The following SVIL variants were observed in gnomAD, a reference collection of about 807,000 sequenced individuals.
SVIL encodes the protein supervillin.
SVIL carries 101 observed loss-of-function variants against 240.4 expected under a neutral mutation model. The ratio of observed to expected loss-of-function variants is 0.42; its 90% confidence interval spans 0.36 to 0.50. The LOEUF (loss-of-function observed/expected upper bound fraction) is 0.50. Among genes scored for constraint, SVIL ranks in the 20% least tolerant of loss-of-function variants. The pLI is 0.01. For missense variants in SVIL, 2,512 were observed against 2,818.7 expected (o/e 0.89, Z 2.46); for synonymous variants, 999 against 1,100.0 (o/e 0.91, Z 1.82).
At position 29,495,248 on chromosome 10, in the gene SVIL, T is replaced by C. The variant is rs2368403; in HGVS notation, c.3665-67A>G. On this transcript the variant is annotated intron_variant, in intron 18 of 37. Coordinates refer to ENST00000355867, the MANE Select transcript of SVIL (RefSeq NM_021738.3). ...CTTCTGGAAATCTCCGGGACCCTGG[T>C]GGATCTCCAGAAATCCCAGGGTAGA... 0.024 allele frequency: 18,757 copies of C among 772,770 alleles called. 2,952 individuals carry two copies. The African/African-American group carries it at 0.24, about 10-fold the overall frequency. 47.9% of individuals were successfully genotyped at this position (772,770 alleles called of 1,614,324 possible). A position where few individuals can be genotyped will look rare whatever the true frequency, so the allele number is the denominator to read the frequency against.
chr10:29,680,809 C>T (rs1960581557), intron 2 of SVIL, among the ~76,000 whole-genome samples: 1 of 152,108 alleles, frequency 6.6e-6, no homozygotes. Context: ...ATCCCAGCTA[C>T]TCAGGAGGCT....
At chr10:29,679,345 A>G (rs545418833) in intron 2 of SVIL, among the ~76,000 whole-genome samples, 29 of 152,354 alleles carry the variant, frequency 1.9e-4, no homozygotes, top group African/African-American at 7.0e-4. Flanking sequence ...TTGTGAGAAG[A>G]GAAGGTGCAG....
intron 2 of SVIL, among the ~76,000 whole-genome samples, chr10:29,567,962 A>AGCTGAGAT (rs769590767): frequency 5.8e-4 from 87 of 151,104 alleles, no homozygotes; most frequent in Non-Finnish European, 9.7e-4. Context: ...GCTTGCAGTG[A>AGCTGAGAT]GCTGAGATCG....
chr10:29,463,353 G>T, intron 35 of SVIL, 139 bp downstream of exon 35: 1 of 1,117,012 alleles, frequency 9.0e-7, no homozygotes, highest in Non-Finnish European at 1.2e-6. Context: ...GGAAAAAATT[G>T]GTTTCATCAC....
At chr10:29,654,459 C>G (rs550203693) in intron 3 of SVIL, among the ~76,000 whole-genome samples, 23 of 152,202 alleles carry the variant, frequency 1.5e-4, no homozygotes, top group African/African-American at 5.3e-4. Flanking sequence ...TAAACAAGAT[C>G]ACGCCATCTG....
At chr10:29,541,651 C>A (rs1471293243) in intron 6 of SVIL, among the ~76,000 whole-genome samples, 1 of 152,094 alleles carries the variant, frequency 6.6e-6, no homozygotes, top group Non-Finnish European at 1.5e-5. Context: ...GCAGAAAGCA[C>A]AATTGTCAGA....
chr10:29,665,992 A>G (rs925176092), intron 2 of SVIL, among the ~76,000 whole-genome samples: 2 of 152,228 alleles, frequency 1.3e-5, no homozygotes, highest in Non-Finnish European at 2.9e-5. Context: ...GGTTTAAGTG[A>G]TGCCTTCTGG....
chr10:29,650,789 A>G (rs548434794), intron 3 of SVIL, among the ~76,000 whole-genome samples: 2 of 152,262 alleles, frequency 1.3e-5, no homozygotes, highest in East Asian at 3.9e-4. Context: ...TCTCTACAAA[A>G]ATAAAAATCA....
chr10:29,609,537 C>T (rs1364353253), intron 1 of SVIL, among the ~76,000 whole-genome samples: 1 of 152,242 alleles, frequency 6.6e-6, no homozygotes, highest in Non-Finnish European at 1.5e-5. Context: ...AGAGCTGCAG[C>T]CCTTCTGGAA....
intron 3 of SVIL, among the ~76,000 whole-genome samples, chr10:29,641,399 A>G (rs1958481148): frequency 6.6e-6 from 1 of 151,912 alleles, no homozygotes; most frequent in Non-Finnish European, 1.5e-5. Context: ...GGTGAAACCC[A>G]TCTCTACTGA....
chr10:29,721,501 A>C (rs563414982), intron 1 of SVIL, among the ~76,000 whole-genome samples: 1 of 151,656 alleles, frequency 6.6e-6, no homozygotes, highest in African/African-American at 2.4e-5. Flanking sequence ...AAAAGGGTTA[A>C]AAGGATGGAA....
intron 2 of SVIL, among the ~76,000 whole-genome samples, chr10:29,677,368 A>C (rs1168389882): frequency 3.3e-5 from 5 of 152,180 alleles, no homozygotes; most frequent in African/African-American, 9.7e-5. Context: ...CTGCCAAGAG[A>C]ACCAAGCATG....
chr10:29,582,705 C>T (rs1036523243), intron 1 of SVIL, among the ~76,000 whole-genome samples: 2 of 150,928 alleles, frequency 1.3e-5, no homozygotes, highest in African/African-American at 4.9e-5. Flanking sequence ...ACACTCCAGC[C>T]TGGGTGACAG....
chr10:29,555,080 T>C lies in SVIL; in HGVS notation c.-22A>G. 2 of 1,612,906 alleles carry C rather than the reference T, an allele frequency of 1.2e-6. No individual in the cohort carries two copies. The highest frequency in any genetic ancestry group is 1.7e-6 in the Non-Finnish European group (2 of 1,179,720). On this transcript the variant is annotated 5_prime_UTR_variant, in exon 4 of 38. Transcript: ENST00000355867. ...TCATTTCTAAGAATTCTTTCTTCTT[T>C]GGTTCAAAGATTTGTCTTAATTCTG...
intron 1 of SVIL, among the ~76,000 whole-genome samples, chr10:29,628,121 T>C (rs1277138410): frequency 6.6e-6 from 1 of 152,218 alleles, no homozygotes; most frequent in East Asian, 1.9e-4. Context: ...AACTAAACTA[T>C]CAGCTTAACT....
intron 3 of SVIL, among the ~76,000 whole-genome samples, chr10:29,645,340 C>T (rs984262243): frequency 1.3e-5 from 2 of 152,054 alleles, no homozygotes; most frequent in African/African-American, 4.8e-5. Context: ...GAGGCCGAGG[C>T]GAGAGGATCA....
At chr10:29,593,925 G>C (rs1362795667) in intron 1 of SVIL, among the ~76,000 whole-genome samples, 1 of 152,154 alleles carries the variant, frequency 6.6e-6, no homozygotes, top group Non-Finnish European at 1.5e-5. Context: ...GTTGGGAGGG[G>C]AGGGAGGAAT....
In SVIL at chr10:29,689,574, G is replaced by A. The variant is rs540622861; in HGVS notation, c.-399-2923C>T. On this transcript the variant is annotated intron_variant, in intron 1 of 35. Transcript: ENST00000375400. ...GCTGGGATTACAGGCGCGAGCCACC[G>A]CGCCCAGCCGAGTCTCTTTTTCATA... 7.6e-4 allele frequency among the ~76,000 whole-genome samples: 115 copies of A among 152,274 alleles called. 1 individual carries two copies. Among genetic ancestry groups the A allele is most frequent in the Admixed American group, 1.8e-3 (27 of 15,294 alleles).
At position 29,615,930 on chromosome 10, in the gene SVIL, T is replaced by C. The variant is rs140406406; in HGVS notation, c.-201+18490A>G. On this transcript the variant is annotated intron_variant, in intron 1 of 37. Coordinates refer to ENST00000355867, the MANE Select transcript of SVIL (RefSeq NM_021738.3). ...CACATTTATTTCAGCCAAGCAAATT[T>C]AAACAGAAGTTGATGCTTTTCCTAC... Among the ~76,000 whole-genome samples the C allele has an allele frequency of 7.3e-3, 1,114 of 152,332 alleles. 8 individuals carry two copies. Among genetic ancestry groups the C allele is most frequent in the Middle Eastern group, 0.014 (4 of 294 alleles).
Sources: allele counts gnomAD v4.1 joint callset (sites outside exome capture counted in the v4.1 genomes callset), GRCh38; gene constraint gnomAD v4.1.1; transcripts MANE v1.5; gene names NCBI Gene and HGNC (gene_info 2026-07-23, HGNC 2026-07-21).